Variants in TBC1D5 observed in about 807,000 individuals in gnomAD.
TBC1D5 encodes the protein TBC1 domain family member 5.
Under a neutral mutation model 100.3 loss-of-function variants are expected in TBC1D5, and 75 were observed. That is an observed-to-expected ratio of 0.75 (90% CI 0.62 to 0.91). The LOEUF is 0.91. Ranked by LOEUF, TBC1D5 falls within the 40% of genes least tolerant of loss-of-function variation. The pLI, the probability that TBC1D5 is intolerant of heterozygous loss-of-function variation, is 0.00. For missense variants in TBC1D5, 910 were observed against 942.4 expected, an observed-to-expected ratio of 0.97 and a Z score of 0.45; for synonymous variants, 323 against 325.6, an observed-to-expected ratio of 0.99 and a Z score of 0.09.
Position 17,161,271 on chromosome 3 carries a change from CA to C in TBC1D5, c.2095-16del, listed in dbSNP as rs1299165016. On this transcript the variant is annotated splice_polypyrimidine_tract_variant and intron_variant, in intron 21 of 21. Transcript: ENST00000253692. Reference sequence around the variant, plus strand: ...TCTGAAGAGGCCTGTGAAGTACAGTCAGAAGTACAGGTGGATGAAAGAAGAA... The same window carrying C: ...TCTGAAGAGGCCTGTGAAGTACAGTCGAAGTACAGGTGGATGAAAGAAGAA... The C allele has an allele frequency of 6.3e-7, 1 of 1,595,796 alleles. No individual in the cohort carries two copies. The highest frequency in any genetic ancestry group is 8.5e-7 in the Non-Finnish European group (1 of 1,170,078).
chr3:17,160,842 A>C (rs13078644), exon 22 of TBC1D5: 951,536 of 1,302,504 alleles, frequency 0.73, 351,280 homozygotes, highest in East Asian at 0.92. Context: ...GGACCAATGC[A>C]AAATGCATGC....
intron 14 of TBC1D5, among the ~76,000 whole-genome samples, chr3:17,293,715 A>G (rs2081979411): frequency 6.6e-6 from 1 of 152,258 alleles, no homozygotes; most frequent in Non-Finnish European, 1.5e-5. Flanking sequence ...ACGTAGAGAT[A>G]AACAAAACTG....
intron 1 of TBC1D5, among the ~76,000 whole-genome samples, chr3:17,687,105 T>C (rs1314159662): frequency 6.6e-6 from 1 of 152,138 alleles, no homozygotes; most frequent in Admixed American, 6.5e-5. Context: ...TTCTGCTCCA[T>C]TTTTCTCTAA....
At chr3:17,232,792 T>C (rs1024251069) in intron 17 of TBC1D5, among the ~76,000 whole-genome samples, 5 of 152,266 alleles carry the variant, frequency 3.3e-5, no homozygotes, top group Admixed American at 1.3e-4. Flanking sequence ...ATGGATAATA[T>C]GAGGACATAT....
Position 17,433,792 on chromosome 3 carries a change from T to C in TBC1D5, c.98-5273A>G, listed in dbSNP as rs2094486589. ...TGAGAAAGGCAAGTCCCTTCCTCTA[T>C]GAGCCTGCAAAATCAAAAGCAAGTT... is the stretch of plus-strand genomic sequence containing the variant. On this transcript the variant is annotated intron_variant, in intron 3 of 21. Transcript: ENST00000253692. Among the ~76,000 whole-genome samples, 5 of 152,280 alleles carry C rather than the reference T, an allele frequency of 3.3e-5. No individual in the cohort carries two copies. The South Asian group carries it at 1.0e-3, about 32-fold the overall frequency.
chr3:17,198,132 G>A (rs1226514549), intron 18 of TBC1D5, among the ~76,000 whole-genome samples: 2 of 152,212 alleles, frequency 1.3e-5, no homozygotes, highest in East Asian at 1.9e-4. Context: ...GGTAATTGCA[G>A]AAAAGTTTTA....
chr3:17,629,423 T>C (rs1412194620), intron 1 of TBC1D5, among the ~76,000 whole-genome samples: 1 of 152,190 alleles, frequency 6.6e-6, no homozygotes, highest in Non-Finnish European at 1.5e-5. Flanking sequence ...GCTGTTTAAA[T>C]AAATGTAATA....
intron 15 of TBC1D5, among the ~76,000 whole-genome samples, chr3:17,288,700 T>A (rs1422905337): frequency 6.6e-6 from 1 of 152,098 alleles, no homozygotes; most frequent in Non-Finnish European, 1.5e-5. Flanking sequence ...TTGCATCCCC[T>A]CTCCAGTGAG....
intron 15 of TBC1D5, among the ~76,000 whole-genome samples, chr3:17,280,209 G>A (rs1475485671): frequency 2.0e-5 from 3 of 152,192 alleles, no homozygotes; most frequent in Non-Finnish European, 4.4e-5. Flanking sequence ...GGTCTGCAGG[G>A]TGATTAGGGT....
chr3:17,231,962 A>G lies in TBC1D5; in HGVS notation c.1588+6201T>C, dbSNP rs542799109. 5.6e-4 allele frequency among the ~76,000 whole-genome samples: 85 copies of G among 152,294 alleles called. No homozygotes were observed. In the South Asian group the frequency reaches 0.016, roughly 29 times the overall value. Reference sequence around the variant, plus strand: ...CTATGTAGGCTTAACTGGGTCACCTAAAGCAAAGGTAATGCCCAACCAACC... The same window carrying G: ...CTATGTAGGCTTAACTGGGTCACCTGAAGCAAAGGTAATGCCCAACCAACC... On this transcript the variant is annotated intron_variant, in intron 17 of 21. Coordinates refer to ENST00000253692, the Ensembl canonical transcript of TBC1D5.
At chr3:17,662,833 T>C (rs2066796448) in intron 1 of TBC1D5, among the ~76,000 whole-genome samples, 1 of 152,186 alleles carries the variant, frequency 6.6e-6, no homozygotes, top group East Asian at 1.9e-4. Flanking sequence ...CATGGCATGA[T>C]ATGTATGGCA....
At chr3:17,580,864 CCT>C (rs1455570399) in intron 2 of TBC1D5, among the ~76,000 whole-genome samples, 3 of 152,138 alleles carry the variant, frequency 2.0e-5, no homozygotes, top group African/African-American at 7.2e-5. Flanking sequence ...TCTACTAATT[CCT>C]CTTTTTCTCC....
At chr3:17,212,961 T>C (rs2073161232) in intron 18 of TBC1D5, among the ~76,000 whole-genome samples, 1 of 152,210 alleles carries the variant, frequency 6.6e-6, no homozygotes, top group Admixed American at 6.5e-5. Flanking sequence ...GTACAGTGTT[T>C]ATAAAGTCTA....
chr3:17,417,958 T>G (rs2094123651), intron 4 of TBC1D5, among the ~76,000 whole-genome samples: 1 of 152,172 alleles, frequency 6.6e-6, no homozygotes. Context: ...TTGAGACACT[T>G]GGGCACGTCA....
intron 4 of TBC1D5, among the ~76,000 whole-genome samples, chr3:17,408,250 G>A (rs1457499279): frequency 1.4e-5 from 2 of 147,760 alleles, no homozygotes. Context: ...TACATGAAAA[G>A]CCCTCAGAAG....
At chr3:17,285,462 G>A (rs1489442074) in intron 15 of TBC1D5, among the ~76,000 whole-genome samples, 6 of 151,418 alleles carry the variant, frequency 4.0e-5, no homozygotes, top group South Asian at 2.1e-4. Context: ...GGGTTTCACC[G>A]TGTTAGCCAG....
At position 17,389,431 on chromosome 3, in the gene TBC1D5, G is replaced by A. The variant is rs576546445; in HGVS notation, c.510-5416C>T. On this transcript the variant is annotated intron_variant, in intron 8 of 21. Transcript: ENST00000253692. ...GTGACCAGTTTCTCAAAAAATAAAC[G>A]TGTCAAAAGTGGTGGTGGAACACAG... Among the ~76,000 whole-genome samples, 5 of 152,190 alleles carry A rather than the reference G, an allele frequency of 3.3e-5. No individual in the cohort carries two copies. In the South Asian group the frequency reaches 8.3e-4, roughly 25 times the overall value.
At chr3:17,335,846 T>G (rs564648618) in intron 13 of TBC1D5, among the ~76,000 whole-genome samples, 21 of 152,018 alleles carry the variant, frequency 1.4e-4, no homozygotes, top group Non-Finnish European at 2.4e-4. Context: ...TTACTGGAGG[T>G]CTTATGTTGG....
intron 13 of TBC1D5, among the ~76,000 whole-genome samples, chr3:17,318,817 G>C (rs1254025888): frequency 1.3e-5 from 2 of 152,166 alleles, no homozygotes; most frequent in Non-Finnish European, 2.9e-5. Context: ...TGTCATCTGT[G>C]TGGTAGCTGG....
Sources: gnomAD v4.1 joint callset for allele counts (sites outside exome capture counted in the v4.1 genomes callset) on GRCh38, gnomAD v4.1.1 for gene constraint, MANE v1.5 for transcripts, NCBI Gene and HGNC (gene_info 2026-07-23, HGNC 2026-07-21) for gene names.